CACNA1H: variants seen among roughly 807,000 people sequenced by gnomAD.
CACNA1H encodes calcium voltage-gated channel subunit alpha1 H, also known as voltage-dependent T-type calcium channel subunit alpha-1H.
CACNA1H carries 149 observed loss-of-function variants against 192.5 expected under a neutral mutation model. The ratio of observed to expected loss-of-function variants is 0.77; its 90% CI spans 0.68 to 0.89. The LOEUF (loss-of-function observed/expected upper bound fraction) is 0.89. CACNA1H is among the 40% of genes least tolerant of loss of function. The probability of loss-of-function intolerance (pLI) is 0.00; values close to 1 mark genes in which losing one functional copy is unlikely to be tolerated. For synonymous variants in CACNA1H, 2,202 were observed against 1,475.2 expected (o/e 1.49, Z -11.29); for missense variants, 4,257 against 3,423.5 (o/e 1.24, Z -6.08).
At chr16:1,177,369 G>A (rs573372144) in intron 2 of CACNA1H, among the ~76,000 whole-genome samples, 4 of 152,340 alleles carry the variant, frequency 2.6e-5, no homozygotes, top group East Asian at 3.9e-4. Context: ...GTTCAGGGCC[G>A]AGGGCCCTCC....
At chr16:1,204,717 C>T (rs999024291) in intron 10 of CACNA1H, among the ~76,000 whole-genome samples, 2 of 152,022 alleles carry the variant, frequency 1.3e-5, no homozygotes, top group African/African-American at 2.4e-5. Context: ...CCCTCTTGAC[C>T]CTTTGGGTCT....
intron 31 of CACNA1H, 67 bp downstream of exon 31, chr16:1,217,077 A>G (rs1970087946): frequency 3.7e-6 from 5 of 1,344,112 alleles, no homozygotes; most frequent in Admixed American, 2.0e-5. Context: ...GTGCCCATCC[A>G]CTCACACGCA....
chr16:1,172,128 C>T (rs534914841), intron 2 of CACNA1H, among the ~76,000 whole-genome samples: 20 of 152,242 alleles, frequency 1.3e-4, no homozygotes, highest in African/African-American at 2.4e-4. Context: ...GACGGGGCCC[C>T]GGGCCGCAGG....
intron 2 of CACNA1H, among the ~76,000 whole-genome samples, chr16:1,169,088 C>G (rs1481353158): frequency 6.8e-6 from 1 of 147,242 alleles, no homozygotes; most frequent in Non-Finnish European, 1.5e-5. Flanking sequence ...AGGAAAGGTT[C>G]TGGACTGTTC....
intron 9 of CACNA1H, among the ~76,000 whole-genome samples, chr16:1,203,778 G>A (rs140175497): frequency 1.2e-4 from 18 of 152,236 alleles, no homozygotes; most frequent in Admixed American, 5.9e-4. Context: ...TGGAACAGTC[G>A]TGGCTCAGGG....
intron 2 of CACNA1H, among the ~76,000 whole-genome samples, chr16:1,184,410 G>A (rs1195643549): frequency 6.6e-6 from 1 of 152,254 alleles, no homozygotes; most frequent in African/African-American, 2.4e-5. Flanking sequence ...CTTGGCCTGG[G>A]CACCTGCACA....
chr16:1,210,689 C>G, intron 20 of CACNA1H, 38 bp downstream of exon 20: 4 of 1,589,112 alleles, frequency 2.5e-6, no homozygotes, highest in Non-Finnish European at 3.4e-6. Flanking sequence ...GTTCCCAGGT[C>G]CCCGTTCTGC....
intron 2 of CACNA1H, among the ~76,000 whole-genome samples, chr16:1,192,533 A>G (rs932580789): frequency 6.6e-6 from 1 of 152,182 alleles, no homozygotes; most frequent in Non-Finnish European, 1.5e-5. Context: ...AGAAGTCAGC[A>G]TTCCCCTCAG....
At position 1,218,543 on chromosome 16, in the gene CACNA1H, C is replaced by A. The variant is rs754166849; in HGVS notation, c.5779C>A (p.Leu1927Met). 1.2e-5 allele frequency: 18 copies of A among 1,558,888 alleles called. No homozygotes were observed. The African/African-American group carries it at 2.4e-4, about 21-fold the overall frequency. ...RKVSVSRMLS[L>M]PNDSYMFRPV... The stretch of plus-strand genomic sequence containing the variant: ...GGTGTCCGTGTCCAGGATGCTCTCG[C>A]TGCCCAACGACAGCTACATGTTCAG... The change falls in exon 33 of 35, where the codon CTG becomes ATG. Residue 1927 changes from leucine (L) to methionine (M), a missense_variant. Coordinates refer to ENST00000348261, the MANE Select transcript of CACNA1H (RefSeq NM_021098.3).
At chr16:1,209,981 G>T (rs898400463) in intron 17 of CACNA1H, 54 bp from the exon 18 acceptor site, 24 of 1,360,310 alleles carry the variant, frequency 1.8e-5, no homozygotes, top group South Asian at 1.8e-4. Context: ...GGGCCCTGAT[G>T]GGGGGCCGGG....
Position 1,204,469 on chromosome 16 carries a change from G to C in CACNA1H, c.2451+11G>C, listed in dbSNP as rs976317495. ...GAGTACCATGAGCAGGTGCGGGCTG[G>C]CCTGGCCACGGGGTGGGCTCCCTGT... On this transcript the variant is annotated intron_variant, in intron 10 of 34. Transcript: ENST00000348261. 9.2e-6 allele frequency: 14 copies of C among 1,518,586 alleles called. No homozygotes were observed. The highest frequency in any genetic ancestry group is 1.1e-5 in the Non-Finnish European group (12 of 1,133,726). The allele number at this position is 1,518,586 out of a possible 1,614,324, so 94.1% of individuals were successfully genotyped here. A position where few individuals can be genotyped will look rare whatever the true frequency, so the allele number is the denominator to read the frequency against.
intron 2 of CACNA1H, among the ~76,000 whole-genome samples, chr16:1,159,246 G>A (rs554951435): frequency 5.2e-4 from 79 of 152,320 alleles, no homozygotes; most frequent in Non-Finnish European, 1.0e-3. Context: ...AGGCATGGTC[G>A]GGGCCCCTCG....
chr16:1,156,822 C>T (rs1962472705), intron 2 of CACNA1H, among the ~76,000 whole-genome samples: 1 of 152,144 alleles, frequency 6.6e-6, no homozygotes, highest in Non-Finnish European at 1.5e-5. Flanking sequence ...ATCCCTGAAC[C>T]TCTCCTGAAC....
At chr16:1,195,659 G>A in intron 4 of CACNA1H, 94 bp downstream of exon 4, 1 of 1,414,536 alleles carries the variant, frequency 7.1e-7, no homozygotes. Flanking sequence ...AAAAATGGGA[G>A]GTGTGTTCTA....
chr16:1,199,837 C>G (rs946049931), intron 6 of CACNA1H, among the ~76,000 whole-genome samples: 8 of 152,070 alleles, frequency 5.3e-5, no homozygotes, highest in South Asian at 2.1e-4. Flanking sequence ...GCTTCCCTCC[C>G]CTCGTCCCTT....
intron 2 of CACNA1H, among the ~76,000 whole-genome samples, chr16:1,154,478 A>C (rs1331428067): frequency 6.6e-6 from 1 of 152,108 alleles, no homozygotes; most frequent in Non-Finnish European, 1.5e-5. Flanking sequence ...AGCTGGAGTC[A>C]GGGGCGCAAA....
chr16:1,209,552 G>T, intron 17 of CACNA1H, 140 bp downstream of exon 17: 1 of 1,041,476 alleles, frequency 9.6e-7, no homozygotes, highest in Non-Finnish European at 1.4e-6. Flanking sequence ...GGCCAGGCCA[G>T]GGAGGAATCC....
At position 1,207,323 on chromosome 16, in the gene CACNA1H, T is replaced by A; in HGVS notation, c.2956T>A (p.Ser986Thr). Reference protein sequence around the residue: ...WNVVLYNGMASTSSWAALYFV... With the variant: ...WNVVLYNGMATTSSWAALYFV... ...CGTGGTCCTGTACAACGGCATGGCCTCCACCTCCTCCTGGGCCGCCCTCTA... is the reference window on the plus strand; with the variant it reads ...CGTGGTCCTGTACAACGGCATGGCCACCACCTCCTCCTGGGCCGCCCTCTA... Residue 986 changes from serine to threonine, a missense_variant, in exon 14 of 35, where the codon TCC becomes ACC. Physicochemically the swap from Ser to Thr is moderately conservative, Grantham distance 58. Transcript: ENST00000348261. The A allele has an allele frequency of 6.2e-7, 1 of 1,611,078 alleles. No individual in the cohort carries two copies. Among genetic ancestry groups the A allele is most frequent in the Non-Finnish European group, 8.5e-7 (1 of 1,178,868 alleles).
rs1969286619 is a variant in CACNA1H at position 1,210,350 on chromosome 16, A to ACCCGCC, written c.3846-12_3846-7dup. ...TCCACGCCGCCCCGCCCCACCTCTC[A>ACCCGCC]CCCGCCCCCGCCCACCCAGGTTCCG... On this transcript the variant is annotated intron_variant, in intron 18 of 34. Coordinates refer to ENST00000348261, the MANE Select transcript of CACNA1H (RefSeq NM_021098.3). The ACCCGCC allele has an allele frequency of 1.3e-5, 4 of 316,990 alleles. No homozygotes were observed. Among genetic ancestry groups the ACCCGCC allele is most frequent in the Middle Eastern group, 1.3e-3 (2 of 1,484 alleles). 19.6% of individuals were successfully genotyped at this position (316,990 alleles called of 1,614,324 possible).
Sources: allele counts gnomAD v4.1 joint callset (sites outside exome capture counted in the v4.1 genomes callset), GRCh38; gene constraint gnomAD v4.1.1; transcripts MANE v1.5; gene names NCBI Gene and HGNC (gene_info 2026-07-23, HGNC 2026-07-21).